SMAD3: variants seen among roughly 807,000 people sequenced by gnomAD.
SMAD3 encodes MAD homolog 3.
In SMAD3, 12 loss-of-function variants were observed where a neutral mutation model predicts 51.8. The ratio of observed to expected loss-of-function variants is 0.23; its 90% CI spans 0.15 to 0.38. The LOEUF (loss-of-function observed/expected upper bound fraction) is 0.38, where lower values mean the gene tolerates loss of function less well. SMAD3 is among the 10% of genes least tolerant of loss of function. The probability of loss-of-function intolerance (pLI) is 1.00; values close to 1 mark genes in which losing one functional copy is unlikely to be tolerated. For missense variants in SMAD3, 294 were observed against 565.6 expected, an observed-to-expected ratio of 0.52 and a Z score of 4.87; for synonymous variants, 238 against 227.7, an observed-to-expected ratio of 1.05 and a Z score of -0.41.
rs902005297 is a variant in SMAD3, at chr15:67,193,522, G to T, written c.*2986G>T. 1 of 233,692 alleles carries T rather than the reference G, an allele frequency of 4.3e-6. No individual in the cohort carries two copies. The highest frequency in any genetic ancestry group is 2.2e-5 in the African/African-American group (1 of 45,314). The allele number at this position is 233,692 out of a possible 1,614,324, so 14.5% of individuals were successfully genotyped here. A position where few individuals can be genotyped will look rare whatever the true frequency, so the allele number is the denominator to read the frequency against. ...CTACCCCAGCCGGTTTGGATTACAGGCCTGTGCTGGAACATCATCTCAGTT... is the reference window on the plus strand; with the variant it reads ...CTACCCCAGCCGGTTTGGATTACAGTCCTGTGCTGGAACATCATCTCAGTT... On this transcript the variant is annotated 3_prime_UTR_variant, in exon 9 of 9. Transcript: ENST00000327367.
chr15:67,075,586 T>C (rs1258595053), intron 1 of SMAD3, among the ~76,000 whole-genome samples: 1 of 152,178 alleles, frequency 6.6e-6, no homozygotes, highest in Non-Finnish European at 1.5e-5. Flanking sequence ...TTTCTGCATC[T>C]GTAAAATGAG....
chr15:67,132,417 T>TG (rs1961547286), intron 1 of SMAD3, among the ~76,000 whole-genome samples: 4 of 152,146 alleles, frequency 2.6e-5, no homozygotes, highest in Non-Finnish European at 5.9e-5. Flanking sequence ...ATAGGCAAGA[T>TG]GGAAGCTAGA....
At chr15:67,165,542 C>G (rs140143645) in intron 3 of SMAD3, among the ~76,000 whole-genome samples, 158 bp downstream of exon 3, 1 of 152,246 alleles carries the variant, frequency 6.6e-6, no homozygotes, top group African/African-American at 2.4e-5. Flanking sequence ...AGAACCGCAT[C>G]CCTGTTGGGA....
intron 1 of SMAD3, among the ~76,000 whole-genome samples, chr15:67,109,861 G>C (rs185029814): frequency 6.6e-6 from 1 of 152,168 alleles, no homozygotes; most frequent in Non-Finnish European, 1.5e-5. Flanking sequence ...CTGGTGGAGC[G>C]TGCCAGCCCG....
Position 67,171,986 on chromosome 15 carries a change from GC to G in SMAD3, c.658+1383del, listed in dbSNP as rs200908106. Among the ~76,000 whole-genome samples, 177 of 152,326 alleles carry G rather than the reference GC, an allele frequency of 1.2e-3. 5 individuals are homozygous for G. In the East Asian group the frequency reaches 0.033, roughly 29 times the overall value. ...TAAAAACCCTCCTGGGGCCAAGGTA[GC>G]ACTTTTAGTCAACAGCCTTCCAAGC... On this transcript the variant is annotated intron_variant, in intron 5 of 8. Coordinates refer to ENST00000327367, the MANE Select transcript of SMAD3 (RefSeq NM_005902.4).
At chr15:67,160,136 T>A (rs1056838369) in intron 1 of SMAD3, among the ~76,000 whole-genome samples, 1 of 152,236 alleles carries the variant, frequency 6.6e-6, no homozygotes, top group Non-Finnish European at 1.5e-5. Context: ...TATGCTTGTA[T>A]CAAAATATCG....
chr15:67,125,940 GC>G, intron 1 of SMAD3: 2 of 985,540 alleles, frequency 2.0e-6, no homozygotes, highest in Non-Finnish European at 2.4e-6. Context: ...TGGGACAACT[GC>G]ATGGAAACCC....
At chr15:67,085,901 TACAC>T (rs1960382245) in intron 1 of SMAD3, among the ~76,000 whole-genome samples, 1 of 28,488 alleles carries the variant, frequency 3.5e-5, no homozygotes, top group Non-Finnish European at 9.9e-5. Flanking sequence ...CACACACACA[TACAC>T]AGAGAACAGC....
intron 5 of SMAD3, among the ~76,000 whole-genome samples, chr15:67,172,110 A>T (rs1030109447): frequency 3.9e-5 from 6 of 152,188 alleles, no homozygotes; most frequent in African/African-American, 1.2e-4. Context: ...ATTTGCTGTG[A>T]ACTTCCCTCT....
At position 67,184,866 on chromosome 15, in the gene SMAD3, T is replaced by A; in HGVS notation, c.1009+2T>A. Reference sequence around the variant, plus strand: ...CCACCGTCTGCAAGATCCCACCAGGTAAACGAGCCGCACAGGCACCCCTGC... The same window carrying A: ...CCACCGTCTGCAAGATCCCACCAGGAAAACGAGCCGCACAGGCACCCCTGC... On this transcript the variant is annotated splice_donor_variant, in intron 7 of 8. Coordinates refer to ENST00000327367, the MANE Select transcript of SMAD3 (RefSeq NM_005902.4). LOFTEE classifies it high-confidence loss of function. 6.2e-7 allele frequency: 1 copy of A among 1,612,550 alleles called. No individual in the cohort carries two copies. The highest frequency in any genetic ancestry group is 8.5e-7 in the Non-Finnish European group (1 of 1,179,988).
intron 1 of SMAD3, among the ~76,000 whole-genome samples, chr15:67,163,119 G>A (rs546804498): frequency 2.0e-5 from 3 of 152,084 alleles, no homozygotes; most frequent in East Asian, 1.9e-4. Flanking sequence ...GATTACAGGC[G>A]CCCGCCACCA....
At chr15:67,110,493 C>T (rs1410530071) in intron 1 of SMAD3, among the ~76,000 whole-genome samples, 2 of 152,174 alleles carry the variant, frequency 1.3e-5, no homozygotes, top group Non-Finnish European at 2.9e-5. Context: ...CCTTGGTAGT[C>T]CCTCCCCCTA....
chr15:67,188,611 T>C (rs1479487717), intron 8 of SMAD3, among the ~76,000 whole-genome samples: 1 of 151,890 alleles, frequency 6.6e-6, no homozygotes, highest in African/African-American at 2.4e-5. Context: ...TGCTCCACAC[T>C]CCCCCCTGCC....
chr15:67,082,617 G>C (rs955136042), intron 1 of SMAD3, among the ~76,000 whole-genome samples: 1 of 152,212 alleles, frequency 6.6e-6, no homozygotes, highest in Non-Finnish European at 1.5e-5. Context: ...TAAATGTTTA[G>C]TGGTTAAAAA....
At chr15:67,174,114 A>G (rs1377371915) in intron 5 of SMAD3, among the ~76,000 whole-genome samples, 1 of 152,148 alleles carries the variant, frequency 6.6e-6, no homozygotes, top group East Asian at 1.9e-4. Flanking sequence ...TGAGTGTGGA[A>G]AGCCTGTATT....
intron 1 of SMAD3, among the ~76,000 whole-genome samples, chr15:67,147,884 C>T (rs748166880): frequency 1.3e-5 from 2 of 152,136 alleles, no homozygotes; most frequent in South Asian, 2.1e-4. Context: ...TTGATGTTGG[C>T]GTCGGGTTTG....
chr15:67,170,757 T>C, intron 5 of SMAD3, 153 bp downstream of exon 5: 1 of 657,256 alleles, frequency 1.5e-6, no homozygotes, highest in Non-Finnish European at 2.7e-6. Flanking sequence ...ACGGTGATGT[T>C]GAGGTCACCA....
intron 1 of SMAD3, among the ~76,000 whole-genome samples, chr15:67,155,407 A>C (rs1375565113): frequency 6.6e-6 from 1 of 152,146 alleles, no homozygotes; most frequent in Non-Finnish European, 1.5e-5. Context: ...TTCCTTTATT[A>C]AGCAGTTGTC....
intron 1 of SMAD3, among the ~76,000 whole-genome samples, chr15:67,145,062 T>C (rs1961938448): frequency 6.6e-6 from 1 of 151,888 alleles, no homozygotes; most frequent in Non-Finnish European, 1.5e-5. Context: ...TGCTGGGGAG[T>C]TGGAAATGTA....
Sources: allele counts gnomAD v4.1 joint callset (sites outside exome capture counted in the v4.1 genomes callset), GRCh38; gene constraint gnomAD v4.1.1; transcripts MANE v1.5; gene names NCBI Gene and HGNC (gene_info 2026-07-23, HGNC 2026-07-21).